The following AGBL4 variants were observed in gnomAD, a reference collection of about 807,000 sequenced individuals.
AGBL4 encodes the protein cytosolic carboxypeptidase 6.
Under a neutral mutation model 66.4 loss-of-function variants are expected in AGBL4, and 58 were observed. The observed-to-expected ratio is 0.87, with a 90% confidence interval of 0.71 to 1.09. The LOEUF (loss-of-function observed/expected upper bound fraction) is 1.09, where lower values mean the gene tolerates loss of function less well. Ranked by LOEUF, AGBL4 falls within the 50% of genes least tolerant of loss-of-function variation. The pLI is 0.00. For missense variants in AGBL4, 579 were observed against 631.0 expected (o/e 0.92, Z 0.88); for synonymous variants, 234 against 222.9 (o/e 1.05, Z -0.44).
intron 6 of AGBL4, among the ~76,000 whole-genome samples, chr1:48,704,024 A>G (rs1276386279): frequency 2.6e-5 from 4 of 152,228 alleles, no homozygotes; most frequent in African/African-American, 9.6e-5. Flanking sequence ...CCTAAGCTGT[A>G]TGGTGTACCT....
Position 49,191,672 on chromosome 1 carries a change from A to C in AGBL4, c.377+54098T>G, listed in dbSNP as rs567056598. Among the ~76,000 whole-genome samples, 13 of 152,042 alleles carry C rather than the reference A, an allele frequency of 8.6e-5. No homozygotes were observed. The East Asian group carries it at 2.5e-3, about 29-fold the overall frequency. On this transcript the variant is annotated intron_variant, in intron 4 of 13. Coordinates refer to ENST00000371839, the MANE Select transcript of AGBL4 (RefSeq NM_032785.4). The stretch of plus-strand genomic sequence containing the variant: ...TGTTCCCGTTTTTATGTTCATGAAT[A>C]CTCAATGTCTGCTCCCACTTATAAG...
chr1:48,725,957 T>TA (rs2148539847), intron 6 of AGBL4, among the ~76,000 whole-genome samples: 1 of 152,322 alleles, frequency 6.6e-6, no homozygotes, highest in Admixed American at 6.5e-5. Context: ...GGGTCTTTTT[T>TA]ATTTATAGAG....
At position 49,697,358 on chromosome 1, in the gene AGBL4, G is replaced by A; in HGVS notation, c.237C>T (p.Phe79=). Residue 79 remains phenylalanine (F), a synonymous_variant, in exon 3 of 14, where the codon TTC becomes TTT. Transcript: ENST00000371839. ...FIRPDTCNPR[F]RVWFNFTVEN... ...CAACAGTAAAGTTGAACCAGACTCG[G>A]AAGCGTGGATTACAGGTGTCCGGCC... 1 of 1,548,696 alleles carries A rather than the reference G, an allele frequency of 6.5e-7. No homozygotes were observed. The highest frequency in any genetic ancestry group is 8.7e-7 in the Non-Finnish European group (1 of 1,144,808).
At chr1:49,771,113 C>G (rs181607980) in intron 2 of AGBL4, among the ~76,000 whole-genome samples, 1 of 152,170 alleles carries the variant, frequency 6.6e-6, no homozygotes, top group African/African-American at 2.4e-5. Context: ...AGACATCCTT[C>G]CCTTTCTTGT....
At chr1:49,567,268 C>T (rs1644230786) in intron 3 of AGBL4, among the ~76,000 whole-genome samples, 1 of 152,196 alleles carries the variant, frequency 6.6e-6, no homozygotes, top group Non-Finnish European at 1.5e-5. Context: ...TGATGCCTCG[C>T]CCTGCTTTGG....
intron 6 of AGBL4, among the ~76,000 whole-genome samples, chr1:48,782,050 T>A (rs1402214732): frequency 6.6e-6 from 1 of 152,256 alleles, no homozygotes; most frequent in Non-Finnish European, 1.5e-5. Flanking sequence ...GGCAAAGCAG[T>A]TTGGCTCTGG....
intron 2 of AGBL4, among the ~76,000 whole-genome samples, chr1:49,792,530 A>G (rs1358568573): frequency 6.6e-6 from 1 of 152,102 alleles, no homozygotes; most frequent in Non-Finnish European, 1.5e-5. Context: ...TCATTTTGTG[A>G]TTATGGAAAT....
At chr1:49,850,709 T>C (rs781049639) in intron 2 of AGBL4, among the ~76,000 whole-genome samples, 3 of 152,104 alleles carry the variant, frequency 2.0e-5, no homozygotes, top group Admixed American at 6.5e-5. Context: ...TGCACACACA[T>C]GCATACACAT....
intron 3 of AGBL4, among the ~76,000 whole-genome samples, chr1:49,483,530 G>T (rs912501494): frequency 6.6e-6 from 1 of 151,800 alleles, no homozygotes; most frequent in African/African-American, 2.4e-5. Context: ...AGTGGTGCTG[G>T]GAAACATGGA....
intron 3 of AGBL4, among the ~76,000 whole-genome samples, chr1:49,315,059 T>C (rs985412758): frequency 6.6e-6 from 1 of 151,898 alleles, no homozygotes; most frequent in African/African-American, 2.4e-5. Flanking sequence ...CCAAAACAGA[T>C]ATATAGACCA....
At chr1:49,883,266 G>C (rs1294630718) in intron 1 of AGBL4, among the ~76,000 whole-genome samples, 3 of 151,954 alleles carry the variant, frequency 2.0e-5, no homozygotes, top group South Asian at 4.1e-4. Flanking sequence ...TCTTTATTAT[G>C]GTTTCTATTT....
At chr1:49,302,224 A>T (rs1644757863) in intron 3 of AGBL4, among the ~76,000 whole-genome samples, 2 of 151,750 alleles carry the variant, frequency 1.3e-5, no homozygotes, top group Non-Finnish European at 2.9e-5. Flanking sequence ...ATTAATGAAC[A>T]ATTATGTTTT....
At chr1:49,348,542 G>A (rs893658273) in intron 3 of AGBL4, among the ~76,000 whole-genome samples, 2 of 152,200 alleles carry the variant, frequency 1.3e-5, no homozygotes, top group East Asian at 1.9e-4. Flanking sequence ...GAAGCGACCC[G>A]CAGTCACAAG....
chr1:48,608,406 T>C (rs1276350941), intron 9 of AGBL4, among the ~76,000 whole-genome samples: 1 of 152,148 alleles, frequency 6.6e-6, no homozygotes, highest in Non-Finnish European at 1.5e-5. Flanking sequence ...TTTAAAGACA[T>C]GGGCTGTCAA....
chr1:49,232,628 G>A (rs1446974532), intron 4 of AGBL4, among the ~76,000 whole-genome samples: 2 of 151,866 alleles, frequency 1.3e-5, no homozygotes, highest in African/African-American at 2.4e-5. Flanking sequence ...GAACCCAGGA[G>A]GCAGAGCTTA....
intron 3 of AGBL4, among the ~76,000 whole-genome samples, chr1:49,334,314 A>G (rs1164563713): frequency 2.6e-5 from 4 of 152,130 alleles, no homozygotes; most frequent in Admixed American, 2.6e-4. Flanking sequence ...ACTATATCAA[A>G]TGACCTCATA....
intron 6 of AGBL4, among the ~76,000 whole-genome samples, chr1:48,809,704 G>A (rs1328746072): frequency 6.6e-6 from 1 of 152,118 alleles, no homozygotes; most frequent in East Asian, 1.9e-4. Context: ...CAGGTCTGGG[G>A]AAACATCAGT....
intron 11 of AGBL4, among the ~76,000 whole-genome samples, chr1:48,573,987 AC>A (rs1361743849): frequency 6.6e-6 from 1 of 152,158 alleles, no homozygotes; most frequent in Non-Finnish European, 1.5e-5. Flanking sequence ...AGTTCACACA[AC>A]TGGTAAATAG....
At chr1:48,920,057 A>C (rs1379695524) in intron 5 of AGBL4, among the ~76,000 whole-genome samples, 1 of 152,222 alleles carries the variant, frequency 6.6e-6, no homozygotes, top group Non-Finnish European at 1.5e-5. Flanking sequence ...CCAGTGGTAA[A>C]AAAGAAGGGG....
Sources: gnomAD v4.1 joint callset for allele counts (sites outside exome capture counted in the v4.1 genomes callset) on GRCh38, gnomAD v4.1.1 for gene constraint, MANE v1.5 for transcripts, NCBI Gene and HGNC (gene_info 2026-07-23, HGNC 2026-07-21) for gene names.